The following DMD variants were observed in gnomAD, a reference collection of about 807,000 sequenced individuals.
The protein encoded by DMD is mutant dystrophin.
Under a neutral mutation model 330.1 loss-of-function variants are expected in DMD, and 63 were observed. The ratio of observed to expected loss-of-function variants is 0.19; its 90% CI spans 0.16 to 0.24. The LOEUF (loss-of-function observed/expected upper bound fraction) is 0.24. Among genes scored for constraint, DMD ranks in the 10% least tolerant of loss-of-function variants. The pLI, the probability that DMD is intolerant of heterozygous loss-of-function variation, is 1.00. For missense variants in DMD, 3,344 were observed against 2,684.1 expected (o/e 1.25, Z -5.43); for synonymous variants, 1,223 against 959.8 (o/e 1.27, Z -5.07).
At chrX:31,417,064 C>T (rs1483103491) in intron 60 of DMD, among the ~76,000 whole-genome samples, 1 of 111,992 alleles carries the variant, frequency 8.9e-6, no homozygotes, top group East Asian at 2.8e-4. Context: ...CATATTATAG[C>T]ACAGGCTTTT....
At chrX:31,980,216 CAT>C (rs971611059) in intron 44 of DMD, among the ~76,000 whole-genome samples, 1 of 111,912 alleles carries the variant, frequency 8.9e-6, no homozygotes, top group African/African-American at 3.2e-5. Context: ...TAAATGAAAA[CAT>C]ATGCTCACAA....
chrX:32,650,474 G>A (rs1025253349), intron 9 of DMD, among the ~76,000 whole-genome samples: 25 of 111,450 alleles, frequency 2.2e-4, no homozygotes, highest in African/African-American at 7.5e-4. Context: ...ATTACAGAGG[G>A]ATAACCAAGC....
intron 71 of DMD, among the ~76,000 whole-genome samples, chrX:31,175,838 C>T (rs560225814): frequency 1.9e-4 from 21 of 111,275 alleles, no homozygotes; most frequent in African/African-American, 5.5e-4. Flanking sequence ...AATGCAGAAT[C>T]GCTCAAAGAA....
At chrX:32,451,325 T>G (rs756871890) in intron 26 of DMD, among the ~76,000 whole-genome samples, 1 of 111,127 alleles carries the variant, frequency 9.0e-6, no homozygotes, top group Non-Finnish European at 1.9e-5. Flanking sequence ...TACAAATTTA[T>G]TTGTGTATTT....
chrX:32,846,326 T>G (rs1267807650), intron 3 of DMD, among the ~76,000 whole-genome samples: 1 of 111,544 alleles, frequency 9.0e-6, no homozygotes, highest in Non-Finnish European at 1.9e-5. Context: ...TCTTGCAAAT[T>G]TATTTCCTTC....
intron 62 of DMD, among the ~76,000 whole-genome samples, chrX:31,299,382 G>A (rs1225968301): frequency 9.0e-6 from 1 of 111,705 alleles, no homozygotes; most frequent in East Asian, 2.8e-4. Flanking sequence ...CTCCCTAACA[G>A]TACACATAAA....
intron 1 of DMD, among the ~76,000 whole-genome samples, chrX:33,115,737 G>T (rs1230549633): frequency 9.2e-6 from 1 of 109,261 alleles, no homozygotes; most frequent in Non-Finnish European, 1.9e-5. Flanking sequence ...GGATGGTCTC[G>T]ATCTCCTGAC....
intron 2 of DMD, among the ~76,000 whole-genome samples, chrX:32,918,041 G>A (rs1386574720): frequency 3.6e-5 from 4 of 110,359 alleles, no homozygotes; most frequent in Non-Finnish European, 7.6e-5. Context: ...GTAGAGATAG[G>A]CAGTAGGGAC....
At chrX:33,012,167 CACTA>C (rs2093714158) in intron 2 of DMD, among the ~76,000 whole-genome samples, 1 of 111,634 alleles carries the variant, frequency 9.0e-6, no homozygotes, top group Admixed American at 9.6e-5. Flanking sequence ...ATTTTTGTCT[CACTA>C]ACTGAGTAAT....
chrX:33,080,824 A>G (rs1010930057), intron 1 of DMD, among the ~76,000 whole-genome samples: 2 of 112,302 alleles, frequency 1.8e-5, no homozygotes, highest in African/African-American at 6.5e-5. Context: ...ATTTTACTTT[A>G]ACAATAATCT....
intron 37 of DMD, among the ~76,000 whole-genome samples, chrX:32,359,583 C>T (rs2147192325): frequency 9.0e-6 from 1 of 111,546 alleles, no homozygotes; most frequent in South Asian, 3.7e-4. Flanking sequence ...AGGCTACCCC[C>T]TAAAACCTCC....
chrX:32,462,521 T>C (rs760058020), intron 25 of DMD, among the ~76,000 whole-genome samples: 11 of 111,077 alleles, frequency 9.9e-5, no homozygotes, highest in Non-Finnish European at 2.1e-4. Context: ...TAATTGAATA[T>C]TTAAATATAA....
intron 1 of DMD, among the ~76,000 whole-genome samples, chrX:33,279,360 T>C (rs2031300200): frequency 9.0e-6 from 1 of 111,437 alleles, no homozygotes; most frequent in African/African-American, 3.3e-5. Context: ...GTTATTTTTT[T>C]TCACTCAGTA....
At chrX:31,990,444 T>C (rs1045981223) in intron 44 of DMD, among the ~76,000 whole-genome samples, 1 of 111,884 alleles carries the variant, frequency 8.9e-6, no homozygotes, top group African/African-American at 3.2e-5. Context: ...TCACTGTACA[T>C]TATTGTAGTT....
At chrX:32,116,736 A>G (rs2096612420) in intron 44 of DMD, among the ~76,000 whole-genome samples, 1 of 112,355 alleles carries the variant, frequency 8.9e-6, no homozygotes, top group African/African-American at 3.2e-5. Flanking sequence ...CAGAGATGAG[A>G]AGTTGTCGCT....
chrX:33,296,815 T>C (rs1208045253), intron 1 of DMD, among the ~76,000 whole-genome samples: 1 of 111,604 alleles, frequency 9.0e-6, no homozygotes, highest in Non-Finnish European at 1.9e-5. Context: ...AAATTTTTGA[T>C]TAAAAAATTT....
At chrX:32,727,891 TTTTAA>T (rs2067075908) in intron 7 of DMD, among the ~76,000 whole-genome samples, 1 of 111,815 alleles carries the variant, frequency 8.9e-6, no homozygotes, top group East Asian at 2.8e-4. Context: ...ATACTTTTGT[TTTTAA>T]TTTAACTTTT....
intron 55 of DMD, among the ~76,000 whole-genome samples, chrX:31,582,766 C>T (rs1382912182): frequency 8.9e-6 from 1 of 111,759 alleles, no homozygotes; most frequent in Admixed American, 9.5e-5. Flanking sequence ...TGACAAGATT[C>T]GAATCAGGTA....
intron 57 of DMD, among the ~76,000 whole-genome samples, chrX:31,486,054 T>C (rs1487355799): frequency 8.9e-6 from 1 of 112,454 alleles, no homozygotes. Flanking sequence ...TCCTCATTTG[T>C]AAAATGTGGG....
Sources: gnomAD v4.1 joint callset for allele counts (sites outside exome capture counted in the v4.1 genomes callset) on GRCh38, gnomAD v4.1.1 for gene constraint, MANE v1.5 for transcripts, NCBI Gene and HGNC (gene_info 2026-07-23, HGNC 2026-07-21) for gene names.